CCDC30: variants seen among roughly 807,000 people sequenced by gnomAD.
CCDC30 encodes coiled-coil domain containing 30, also known as coiled-coil domain-containing protein 30.
Under a neutral mutation model 100.2 loss-of-function variants are expected in CCDC30, and 70 were observed. The ratio of observed to expected loss-of-function variants is 0.70; its 90% CI spans 0.58 to 0.85. The LOEUF (loss-of-function observed/expected upper bound fraction) is 0.85, where lower values mean the gene tolerates loss of function less well. CCDC30 is among the 40% of genes least tolerant of loss of function. CCDC30 has a pLI of 0.00. For missense variants in CCDC30, 652 were observed against 771.2 expected (o/e 0.85, Z 1.83); for synonymous variants, 233 against 269.5 (o/e 0.86, Z 1.33).
chr1:42,457,387 A>G, the CCDC30 span: 1 of 1,560,726 alleles, frequency 6.4e-7, no homozygotes, highest in Non-Finnish European at 8.8e-7. Context: ...CTAATCCCAT[A>G]TAACCAATCT....
exon 17 of CCDC30, chr1:42,653,971 G>A (rs1206813156): frequency 1.2e-6 from 2 of 1,614,074 alleles, no homozygotes; most frequent in South Asian, 1.1e-5. Flanking sequence ...ACATAAATGT[G>A]GCTTCTCTGA....
chr1:42,517,760 A>G (rs1644578086), intron 6 of CCDC30, among the ~76,000 whole-genome samples: 1 of 152,216 alleles, frequency 6.6e-6, no homozygotes, highest in Admixed American at 6.5e-5. Context: ...AAACATTTAA[A>G]TATCAAATAT....
chr1:42,556,399 T>C, intron 6 of CCDC30: 1 of 1,607,970 alleles, frequency 6.2e-7, no homozygotes, highest in South Asian at 1.1e-5. Flanking sequence ...ATGACAGTGG[T>C]GCCCAGGTAG....
chr1:42,584,399 TGGCCA>T (rs1318245928), intron 9 of CCDC30, among the ~76,000 whole-genome samples: 1 of 152,210 alleles, frequency 6.6e-6, no homozygotes, highest in Non-Finnish European at 1.5e-5. Context: ...GAGACCAGCC[TGGCCA>T]ACATAGTGAA....
intron 6 of CCDC30, chr1:42,537,340 A>G: frequency 4.5e-6 from 2 of 444,700 alleles, no homozygotes; most frequent in Admixed American, 2.5e-5. Flanking sequence ...GTGACACTCA[A>G]TCAGTTTGTA....
chr1:42,502,957 A>G (rs1423598293), intron 6 of CCDC30, among the ~76,000 whole-genome samples: 1 of 152,086 alleles, frequency 6.6e-6, no homozygotes, highest in Non-Finnish European at 1.5e-5. Context: ...GTGCATGCTC[A>G]CTGCAGCCTT....
intron 15 of CCDC30, among the ~76,000 whole-genome samples, chr1:42,650,737 C>A (rs528288200): frequency 6.1e-4 from 92 of 152,052 alleles, no homozygotes; most frequent in Non-Finnish European, 9.0e-4. Flanking sequence ...AGCAATCCTC[C>A]CACCTCAGCC....
At chr1:42,622,772 C>T (rs1646864907) in intron 11 of CCDC30, among the ~76,000 whole-genome samples, 1 of 152,172 alleles carries the variant, frequency 6.6e-6, no homozygotes, top group African/African-American at 2.4e-5. Context: ...CTACGATGCC[C>T]AGCCTCAATT....
At chr1:42,457,700 C>T in the CCDC30 span, 129 of 205,456 alleles carry the variant, frequency 6.3e-4, 2 homozygotes, top group Middle Eastern at 2.0e-3. Flanking sequence ...CGCCTGTAAT[C>T]CCAGCACTTT....
At chr1:42,523,692 C>A (rs963478675) in intron 6 of CCDC30, among the ~76,000 whole-genome samples, 1 of 152,158 alleles carries the variant, frequency 6.6e-6, no homozygotes, top group African/African-American at 2.4e-5. Flanking sequence ...CCCTCTCTTT[C>A]TTCTGGGACT....
chr1:42,474,530 T>G (rs1451491253), intron 1 of CCDC30, among the ~76,000 whole-genome samples: 2 of 152,224 alleles, frequency 1.3e-5, no homozygotes, highest in East Asian at 3.8e-4. Flanking sequence ...GTTCCTTCTA[T>G]ACTATTCATC....
chr1:42,635,581 G>A (rs1415290471), intron 11 of CCDC30, among the ~76,000 whole-genome samples: 13 of 151,186 alleles, frequency 8.6e-5, no homozygotes, highest in Admixed American at 6.6e-4. Flanking sequence ...AGGCCAAGGC[G>A]GGCAGATCAC....
chr1:42,528,462 AG>A (rs1244679935), intron 6 of CCDC30, among the ~76,000 whole-genome samples: 1 of 152,228 alleles, frequency 6.6e-6, no homozygotes, highest in East Asian at 1.9e-4. Flanking sequence ...TATAAAGGTA[AG>A]GAGCAGACAT....
rs1645815693 is a variant in CCDC30, at chr1:42,575,537, C to T, written c.637-1483C>T. Among the ~76,000 whole-genome samples, 3 of 150,508 alleles carry T rather than the reference C, an allele frequency of 2.0e-5. 1 individual carries two copies. In the South Asian group the frequency reaches 6.3e-4, roughly 32 times the overall value. On this transcript the variant is annotated intron_variant, in intron 7 of 16. Transcript: ENST00000668663. ...TGGTGGCGGGTGCCTGTAGTCCCAGCTACTCAGGAGGCTGAGGCAGGAGAA... is the reference window on the plus strand; with the variant it reads ...TGGTGGCGGGTGCCTGTAGTCCCAGTTACTCAGGAGGCTGAGGCAGGAGAA...
At chr1:42,646,613 AC>A (rs1228921534) in intron 15 of CCDC30, among the ~76,000 whole-genome samples, 1 of 152,162 alleles carries the variant, frequency 6.6e-6, no homozygotes, top group African/African-American at 2.4e-5. Context: ...GCCAAAGAAG[AC>A]ATAAGAGTGG....
intron 10 of CCDC30, chr1:42,593,122 T>A (rs967851532): frequency 2.6e-5 from 4 of 152,210 alleles, no homozygotes; most frequent in Non-Finnish European, 2.9e-5. Flanking sequence ...TCAGATCCCA[T>A]GAGTTAAGCT....
intron 11 of CCDC30, among the ~76,000 whole-genome samples, chr1:42,616,366 T>C (rs1646727380): frequency 6.6e-6 from 1 of 152,370 alleles, no homozygotes; most frequent in Non-Finnish European, 1.5e-5. Flanking sequence ...ACAGGGTCTG[T>C]GGATCAATAC....
At chr1:42,601,382 C>T (rs550234508) in intron 10 of CCDC30, among the ~76,000 whole-genome samples, 3 of 152,110 alleles carry the variant, frequency 2.0e-5, no homozygotes, top group Admixed American at 2.0e-4. Context: ...GACTAACAAC[C>T]CCAGCCCACA....
intron 6 of CCDC30, among the ~76,000 whole-genome samples, chr1:42,565,317 TAAGA>T (rs1421814483): frequency 1.3e-5 from 2 of 152,160 alleles, no homozygotes; most frequent in African/African-American, 4.8e-5. Context: ...CCAAAATATA[TAAGA>T]AACTCAAACA....
Sources: gnomAD v4.1 joint callset for allele counts (sites outside exome capture counted in the v4.1 genomes callset) on GRCh38, gnomAD v4.1.1 for gene constraint, MANE v1.5 for transcripts, NCBI Gene and HGNC (gene_info 2026-07-23, HGNC 2026-07-21) for gene names.